Variants in MESD observed in about 807,000 individuals in gnomAD.
MESD encodes LRP chaperone MESD.
Under a neutral mutation model 12.9 loss-of-function variants are expected in MESD, and 7 were observed. The ratio of observed to expected loss-of-function variants is 0.54; its 90% confidence interval spans 0.31 to 1.02. The LOEUF (loss-of-function observed/expected upper bound fraction) is 1.02, where lower values mean the gene tolerates loss of function less well. MESD is among the 50% of genes least tolerant of loss of function. The probability of loss-of-function intolerance (pLI) is 0.05; values close to 1 mark genes in which losing one functional copy is unlikely to be tolerated. For synonymous variants in MESD, 126 were observed against 115.6 expected (o/e 1.09, Z -0.58); for missense variants, 342 against 296.7 (o/e 1.15, Z -1.12).
chr15:80,965,394 G>A (rs1902157310), intron 3 of MESD, among the ~76,000 whole-genome samples: 1 of 152,178 alleles, frequency 6.6e-6, no homozygotes, highest in African/African-American at 2.4e-5. Flanking sequence ...AGACAGTGTG[G>A]CAATTCCTCA....
chr15:80,958,198 G>A (rs942972236), intron 3 of MESD, among the ~76,000 whole-genome samples: 5 of 152,014 alleles, frequency 3.3e-5, no homozygotes, highest in African/African-American at 7.2e-5. Flanking sequence ...CCTCCCATTC[G>A]CCTACACACA....
intron 2 of MESD, among the ~76,000 whole-genome samples, chr15:80,980,268 G>C (rs1297583311): frequency 6.6e-6 from 1 of 152,110 alleles, no homozygotes; most frequent in Non-Finnish European, 1.5e-5. Context: ...CACTCTCTAA[G>C]TACTCCTCCC....
chr15:80,956,500 A>T (rs1901987910), intron 3 of MESD, among the ~76,000 whole-genome samples: 1 of 152,236 alleles, frequency 6.6e-6, no homozygotes, highest in South Asian at 2.1e-4. Flanking sequence ...GAGTAGCACG[A>T]GGGTGCTCTT....
At chr15:80,964,378 A>T (rs140037094) in intron 3 of MESD, among the ~76,000 whole-genome samples, 11,830 of 152,236 alleles carry the variant, frequency 0.078, 662 homozygotes, top group Middle Eastern at 0.18. Flanking sequence ...ATCATGAAAA[A>T]GGCCATACTG....
intron 3 of MESD, among the ~76,000 whole-genome samples, chr15:80,964,693 A>G (rs1309969359): frequency 6.6e-6 from 1 of 151,128 alleles, no homozygotes; most frequent in Non-Finnish European, 1.5e-5. Flanking sequence ...TTTGACAAAC[A>G]AGCAATGGGG....
chr15:80,965,087 A>G (rs1902151302), intron 3 of MESD, among the ~76,000 whole-genome samples: 1 of 152,242 alleles, frequency 6.6e-6, no homozygotes, highest in Non-Finnish European at 1.5e-5. Context: ...AGAATCTACA[A>G]AGAACTTAAA....
At chr15:80,965,010 G>A (rs1186271514) in intron 3 of MESD, among the ~76,000 whole-genome samples, 1 of 152,180 alleles carries the variant, frequency 6.6e-6, no homozygotes, top group East Asian at 1.9e-4. Context: ...TCATCACAGT[G>A]AACAGGCAAC....
chr15:80,989,776 A>T lies in MESD; in HGVS notation c.16T>A (p.Trp6Arg). MAASR[W>R]ARKAVVLLCA... Reference sequence around the variant, plus strand: ...AGCAGGACCACGGCCTTGCGCGCCCACCTGGAAGCCGCCATTTTCGCTGCG... The same window carrying T: ...AGCAGGACCACGGCCTTGCGCGCCCTCCTGGAAGCCGCCATTTTCGCTGCG... Residue 6 changes from tryptophan to arginine, a missense_variant, in exon 1 of 3, where the codon TGG (tryptophan) becomes AGG (arginine). Coordinates refer to ENST00000261758, the MANE Select transcript of MESD (RefSeq NM_015154.3). 3 of 1,586,186 alleles carry T rather than the reference A, an allele frequency of 1.9e-6. No homozygotes were observed. The highest frequency in any genetic ancestry group is 2.6e-6 in the Non-Finnish European group (3 of 1,173,412).
exon 5 of MESD, chr15:80,948,253 T>C (rs1276214490): frequency 1.1e-5 from 2 of 188,006 alleles, no homozygotes; most frequent in Non-Finnish European, 2.3e-5. Flanking sequence ...AACTGCAAGA[T>C]GGAGAGTGCT....
chr15:80,988,721 C>A lies in MESD; in HGVS notation c.213+858G>T, dbSNP rs116939192. On this transcript the variant is annotated intron_variant, in intron 1 of 2. Transcript: ENST00000261758. ...ACAAAACATCAGTGTTGGAAGGAAT[C>A]TTAGGACCCATCCTAACCTCCTCAT... Among the ~76,000 whole-genome samples, 616 of 152,306 alleles carry A rather than the reference C, an allele frequency of 4.0e-3. 5 individuals carry two copies. The highest frequency in any genetic ancestry group is 0.01 in the Middle Eastern group (3 of 294).
chr15:80,972,818 C>T (rs112671426), downstream of MESD, among the ~76,000 whole-genome samples: 3,942 of 152,200 alleles, frequency 0.026, 163 homozygotes, highest in African/African-American at 0.089. Context: ...GTCAGGAGTT[C>T]GAGACCAGCC....
intron 3 of MESD, among the ~76,000 whole-genome samples, chr15:80,956,219 G>A (rs1249226856): frequency 6.6e-6 from 1 of 151,926 alleles, no homozygotes; most frequent in Non-Finnish European, 1.5e-5. Context: ...AAATAAAAAA[G>A]ACCCTAAGAG....
chr15:80,978,807 A>T lies in MESD; in HGVS notation c.*412T>A, dbSNP rs1209741639. The T allele has an allele frequency of 5.8e-6, 1 of 172,234 alleles. No individual in the cohort carries two copies. Among genetic ancestry groups the T allele is most frequent in the Admixed American group, 6.0e-5 (1 of 16,774 alleles). The allele number at this position is 172,234 out of a possible 1,614,324, so 10.7% of individuals were successfully genotyped here. ...ATGATGTATATGGCATGAAGAGTTT[A>T]CTCAATTAAGTCAAGAGTTTTAAAG... is the stretch of plus-strand genomic sequence containing the variant. On this transcript the variant is annotated 3_prime_UTR_variant, in exon 3 of 3. Transcript: ENST00000261758.
In MESD at chr15:80,977,678, C is replaced by T. The variant is rs1331339947; in HGVS notation, c.*1541G>A. On this transcript the variant is annotated 3_prime_UTR_variant, in exon 3 of 3. Coordinates refer to ENST00000261758, the MANE Select transcript of MESD (RefSeq NM_015154.3). ...AGCCCACAGACAGGGCTTGGTTCAG[C>T]CACGGCATGATTCAGGGACTCGTTT... 6.6e-6 allele frequency: 1 copy of T among 152,264 alleles called. No individual in the cohort carries two copies. The highest frequency in any genetic ancestry group is 1.5e-5 in the Non-Finnish European group (1 of 68,088). The allele number at this position is 152,264 out of a possible 1,614,324, so 9.4% of individuals were successfully genotyped here.
intron 3 of MESD, among the ~76,000 whole-genome samples, chr15:80,955,888 C>T (rs192011361): frequency 6.6e-6 from 1 of 152,156 alleles, no homozygotes; most frequent in Admixed American, 6.5e-5. Flanking sequence ...TCCCAAAGTG[C>T]TAGGATTACA....
chr15:80,974,198 T>A (rs1159083974), downstream of MESD, among the ~76,000 whole-genome samples: 2 of 152,070 alleles, frequency 1.3e-5, no homozygotes, highest in Admixed American at 1.3e-4. Context: ...ATAGGAAAGC[T>A]GAGAGAAGGC....
downstream of MESD, among the ~76,000 whole-genome samples, chr15:80,975,161 T>C (rs1246035137): frequency 4.7e-5 from 7 of 149,110 alleles, no homozygotes; most frequent in African/African-American, 1.7e-4. Flanking sequence ...GCAGGAGGAT[T>C]GCTTGAGGAC....
intron 3 of MESD, among the ~76,000 whole-genome samples, chr15:80,957,628 T>C (rs1018476916): frequency 6.6e-6 from 1 of 150,866 alleles, no homozygotes; most frequent in Admixed American, 6.6e-5. Context: ...ACACACGAAA[T>C]TGGCTCATGC....
downstream of MESD, chr15:80,947,103 C>T: frequency 7.4e-7 from 1 of 1,344,860 alleles, no homozygotes. Flanking sequence ...GACCCCAAAA[C>T]CAGAGAAGGC....
Sources: gnomAD v4.1 joint callset for allele counts (sites outside exome capture counted in the v4.1 genomes callset) on GRCh38, gnomAD v4.1.1 for gene constraint, MANE v1.5 for transcripts, NCBI Gene and HGNC (gene_info 2026-07-23, HGNC 2026-07-21) for gene names.